Variants in IGSF21 observed in about 807,000 individuals in gnomAD.
IGSF21 encodes immunoglobulin superfamily member 21.
A neutral mutation model predicts 46.8 loss-of-function variants in IGSF21; 28 were observed. The ratio of observed to expected loss-of-function variants is 0.60; its 90% CI spans 0.44 to 0.82. The LOEUF is 0.82. IGSF21 is among the 40% of genes least tolerant of loss of function. The probability of loss-of-function intolerance (pLI) is 0.00; values close to 1 mark genes in which losing one functional copy is unlikely to be tolerated. For synonymous variants in IGSF21, 284 were observed against 273.6 expected (o/e 1.04, Z -0.38); for missense variants, 624 against 665.5 (o/e 0.94, Z 0.69).
intron 1 of IGSF21, among the ~76,000 whole-genome samples, chr1:18,118,604 C>T (rs1360726546): frequency 2.6e-5 from 4 of 152,220 alleles, no homozygotes; most frequent in African/African-American, 9.6e-5. Context: ...AGGTGGGGGG[C>T]GGCAAAGGCA....
At chr1:18,378,222 C>T in intron 9 of IGSF21, 34 bp from the exon 10 acceptor site, 1 of 1,586,270 alleles carries the variant, frequency 6.3e-7, no homozygotes, top group Non-Finnish European at 8.7e-7. Context: ...GTTGGGTCTG[C>T]AGGCTCTGAC....
chr1:18,221,005 A>T (rs1204954821), intron 1 of IGSF21, among the ~76,000 whole-genome samples: 1 of 152,156 alleles, frequency 6.6e-6, no homozygotes, highest in Non-Finnish European at 1.5e-5. Context: ...TGCATATTAG[A>T]GAAATGATCA....
At chr1:18,196,371 G>C (rs2087008603) in intron 1 of IGSF21, among the ~76,000 whole-genome samples, 1 of 152,154 alleles carries the variant, frequency 6.6e-6, no homozygotes, top group Admixed American at 6.5e-5. Context: ...CTGACCTAAT[G>C]GCAGGGAGGA....
chr1:18,144,178 C>T (rs2086444557), intron 1 of IGSF21, among the ~76,000 whole-genome samples: 1 of 152,188 alleles, frequency 6.6e-6, no homozygotes, highest in African/African-American at 2.4e-5. Context: ...GGAAGGAGGA[C>T]AGGCCAGCAG....
chr1:18,146,491 A>G (rs2086467937), intron 1 of IGSF21, among the ~76,000 whole-genome samples: 1 of 152,102 alleles, frequency 6.6e-6, no homozygotes, highest in South Asian at 2.1e-4. Flanking sequence ...TCCTGGGATC[A>G]CTGCTCCAAC....
intron 2 of IGSF21, among the ~76,000 whole-genome samples, chr1:18,256,905 C>T (rs1392227737): frequency 3.9e-5 from 6 of 152,194 alleles, no homozygotes; most frequent in Admixed American, 2.6e-4. Context: ...TGCCGGCAAG[C>T]GGACACTCTC....
chr1:18,166,715 C>G (rs2086682094), intron 1 of IGSF21, among the ~76,000 whole-genome samples: 1 of 152,140 alleles, frequency 6.6e-6, no homozygotes, highest in Non-Finnish European at 1.5e-5. Flanking sequence ...GGCATCTGCT[C>G]TCAGGGACTC....
At chr1:18,361,150 T>C (rs993146049) in intron 4 of IGSF21, among the ~76,000 whole-genome samples, 1 of 152,158 alleles carries the variant, frequency 6.6e-6, no homozygotes, top group Non-Finnish European at 1.5e-5. Flanking sequence ...AAGTGTACGG[T>C]ACCATCCTCC....
At chr1:18,182,246 G>A (rs34682980) in intron 1 of IGSF21, among the ~76,000 whole-genome samples, 7,751 of 145,448 alleles carry the variant, frequency 0.053, 208 homozygotes, top group East Asian at 0.059. Context: ...GCGTGATCTC[G>A]GCTCACTACA....
At chr1:18,275,043 C>CAAAAA (rs1553159784) in intron 2 of IGSF21, among the ~76,000 whole-genome samples, 2 of 152,004 alleles carry the variant, frequency 1.3e-5, no homozygotes, top group African/African-American at 4.8e-5. Context: ...AACAAACAAA[C>CAAAAA]AAAAAAGAAG....
rs1390204894 is a variant in IGSF21 at position 18,290,067 on chromosome 1, T to C, written c.184-1799T>C. ...GCTGGACACAGTCAACTCAGGGACA[T>C]TCTTCTGGGTGATGACAGTGGACGC... is the stretch of plus-strand genomic sequence containing the variant. On this transcript the variant is annotated intron_variant, in intron 2 of 9. Coordinates refer to ENST00000251296, the MANE Select transcript of IGSF21 (RefSeq NM_032880.5). This position sits in a 1 kb window ranked among gnomAD's most constrained non-coding sequence, Gnocchi z 4.2. 1.3e-5 allele frequency among the ~76,000 whole-genome samples: 2 copies of C among 152,166 alleles called. No individual in the cohort carries two copies. Among genetic ancestry groups the C allele is most frequent in the Non-Finnish European group, 2.9e-5 (2 of 68,036 alleles).
At chr1:18,377,498 G>A in intron 9 of IGSF21, 67 bp downstream of exon 9, 4 of 1,360,420 alleles carry the variant, frequency 2.9e-6, no homozygotes, top group Non-Finnish European at 4.2e-6. Flanking sequence ...GAAAGCTCTG[G>A]TCCCCCAAAC....
At chr1:18,152,045 C>T (rs903394118) in intron 1 of IGSF21, among the ~76,000 whole-genome samples, 3 of 152,142 alleles carry the variant, frequency 2.0e-5, no homozygotes, top group Non-Finnish European at 4.4e-5. Context: ...GAGTGGACTC[C>T]GTGAGGACAG....
intron 3 of IGSF21, 152 bp downstream of exon 3, chr1:18,292,139 C>A: frequency 2.4e-6 from 2 of 834,672 alleles, no homozygotes; most frequent in Non-Finnish European, 3.7e-6. Context: ...GGAAGTGGGA[C>A]CCATTCCCTG....
At chr1:18,127,091 C>A (rs1163699886) in intron 1 of IGSF21, among the ~76,000 whole-genome samples, 3 of 152,214 alleles carry the variant, frequency 2.0e-5, no homozygotes, top group African/African-American at 7.2e-5. Context: ...GAACTCCTTG[C>A]TCTCAGCTAA....
chr1:18,116,283 T>G (rs1349534035), intron 1 of IGSF21, among the ~76,000 whole-genome samples: 1 of 152,146 alleles, frequency 6.6e-6, no homozygotes, highest in East Asian at 1.9e-4. Context: ...CATCCCTGGG[T>G]ATGCCCATCC....
chr1:18,311,858 C>T (rs2085491682), intron 3 of IGSF21, among the ~76,000 whole-genome samples: 1 of 152,142 alleles, frequency 6.6e-6, no homozygotes, highest in South Asian at 2.1e-4. Flanking sequence ...TCAATTATTT[C>T]CCACCGGGCC....
intron 3 of IGSF21, among the ~76,000 whole-genome samples, chr1:18,295,280 G>A (rs1206439399): frequency 6.6e-6 from 1 of 152,150 alleles, no homozygotes; most frequent in African/African-American, 2.4e-5. Context: ...TAGCCCCAGA[G>A]CCCAGAACTC....
chr1:18,285,566 G>A (rs2085204862), intron 2 of IGSF21, among the ~76,000 whole-genome samples: 1 of 152,152 alleles, frequency 6.6e-6, no homozygotes, highest in East Asian at 1.9e-4. Context: ...CCAGAGAGAG[G>A]AACAGTGCAG....
Sources: gnomAD v4.1 joint callset for allele counts (sites outside exome capture counted in the v4.1 genomes callset) on GRCh38, gnomAD v4.1.1 for gene constraint, Gnocchi (gnomAD v3.1) non-coding constraint, MANE v1.5 for transcripts, NCBI Gene and HGNC (gene_info 2026-07-23, HGNC 2026-07-21) for gene names.